AKAP6: variants seen among roughly 807,000 people sequenced by gnomAD.
The protein encoded by AKAP6 is A-kinase anchoring protein 6.
AKAP6 carries 58 observed loss-of-function variants against 188.5 expected under a neutral mutation model. The observed-to-expected ratio is 0.31, with a 90% CI of 0.25 to 0.38. The LOEUF (loss-of-function observed/expected upper bound fraction) is 0.38, where lower values mean the gene tolerates loss of function less well. Ranked by LOEUF, AKAP6 falls within the 10% of genes least tolerant of loss-of-function variation. The pLI is 1.00. For missense variants in AKAP6, 2,710 were observed against 2,740.0 expected (o/e 0.99, Z 0.24); for synonymous variants, 989 against 998.6 (o/e 0.99, Z 0.18).
At chr14:32,681,600 C>A (rs970973022) in intron 8 of AKAP6, among the ~76,000 whole-genome samples, 5 of 152,066 alleles carry the variant, frequency 3.3e-5, no homozygotes, top group African/African-American at 1.2e-4. Context: ...TTCATTAAAA[C>A]CACACAGAAG....
intron 2 of AKAP6, among the ~76,000 whole-genome samples, chr14:32,504,315 C>G (rs1880754428): frequency 6.6e-6 from 1 of 151,986 alleles, no homozygotes; most frequent in Admixed American, 6.6e-5. Flanking sequence ...GGGTCTTGCC[C>G]TGTTGTCCAG....
At position 32,823,789 on chromosome 14, in the gene AKAP6, G is replaced by T; in HGVS notation, c.5976G>T (p.Arg1992Ser). The change falls in exon 13 of 14, where the codon AGG becomes AGT. Residue 1992 changes from arginine to serine, a missense_variant. Physicochemically the swap from Arg to Ser is moderately radical, Grantham distance 110. This residue lies in a region of AKAP6 where 2,473 missense variants were observed against 2,426.1 expected (regional missense o/e 1.02). Transcript: ENST00000280979. The part of the protein sequence containing the change: ...KSFSELALET[R>S]FNNRQDSDAL... ...TCTCAGAACTGGCTTTAGAAACCAG[G>T]TTTAACAACAGACAAGACTCTGATG... 1 of 1,613,514 alleles carries T rather than the reference G, an allele frequency of 6.2e-7. No individual in the cohort carries two copies. Among genetic ancestry groups the T allele is most frequent in the African/African-American group, 1.3e-5 (1 of 74,992 alleles).
intron 4 of AKAP6, among the ~76,000 whole-genome samples, chr14:32,573,061 A>G (rs1594753541): frequency 1.3e-5 from 2 of 152,130 alleles, no homozygotes; most frequent in Non-Finnish European, 2.9e-5. Context: ...GATCTTGTGG[A>G]CTAGGTCACT....
chr14:32,829,706 A>G (rs1344852812), intron 13 of AKAP6, 142 bp from the exon 14 acceptor site: 2 of 447,536 alleles, frequency 4.5e-6, no homozygotes, highest in Non-Finnish European at 7.9e-6. Flanking sequence ...AAAATTATTT[A>G]TATTTTATGT....
intron 2 of AKAP6, among the ~76,000 whole-genome samples, chr14:32,502,483 AT>A (rs1005725008): frequency 6.6e-6 from 1 of 152,122 alleles, no homozygotes; most frequent in African/African-American, 2.4e-5. Context: ...TATGAAATAC[AT>A]TTACAGAGCC....
chr14:32,548,549 GAT>G (rs1566569750), intron 4 of AKAP6, among the ~76,000 whole-genome samples: 2 of 151,440 alleles, frequency 1.3e-5, no homozygotes, highest in East Asian at 3.9e-4. Flanking sequence ...TAGATAGATA[GAT>G]AGATAGATAG....
chr14:32,424,720 T>G (rs1356665190), intron 1 of AKAP6, among the ~76,000 whole-genome samples: 1 of 152,186 alleles, frequency 6.6e-6, no homozygotes, highest in Non-Finnish European at 1.5e-5. Flanking sequence ...GTCCTCATCA[T>G]TTAGCTCCCA....
At chr14:32,756,025 G>T (rs577371871) in intron 11 of AKAP6, among the ~76,000 whole-genome samples, 1 of 152,332 alleles carries the variant, frequency 6.6e-6, no homozygotes, top group African/African-American at 2.4e-5. Flanking sequence ...TAGAGATTCT[G>T]AGTGTGACAT....
intron 2 of AKAP6, among the ~76,000 whole-genome samples, chr14:32,512,645 A>G (rs1049861968): frequency 6.6e-6 from 1 of 152,194 alleles, no homozygotes; most frequent in African/African-American, 2.4e-5. Context: ...GAAAAGGGCA[A>G]TGAGGGTGGA....
intron 7 of AKAP6, among the ~76,000 whole-genome samples, chr14:32,618,237 GT>G (rs960770972): frequency 1.3e-5 from 2 of 151,734 alleles, no homozygotes; most frequent in Non-Finnish European, 2.9e-5. Flanking sequence ...AGCGGTTTTT[GT>G]TTACACGGAT....
At chr14:32,570,224 G>A (rs748496090) in intron 4 of AKAP6, among the ~76,000 whole-genome samples, 14 of 143,548 alleles carry the variant, frequency 9.8e-5, no homozygotes, top group Non-Finnish European at 1.5e-4. Flanking sequence ...TCTGCCTCCT[G>A]GGTTCAAGTG....
chr14:32,463,164 A>G (rs188729791), intron 2 of AKAP6, among the ~76,000 whole-genome samples: 1 of 152,182 alleles, frequency 6.6e-6, no homozygotes, highest in East Asian at 1.9e-4. Context: ...AGAGTTTAAC[A>G]CCTCACTGTC....
At chr14:32,561,961 A>C (rs895730370) in intron 4 of AKAP6, among the ~76,000 whole-genome samples, 1 of 152,202 alleles carries the variant, frequency 6.6e-6, no homozygotes, top group Admixed American at 6.5e-5. Context: ...TTCTGTTTCA[A>C]GGTCACTCAT....
Position 32,823,041 on chromosome 14 carries a change from C to T in AKAP6, c.5228C>T (p.Thr1743Ile). ...AGCATGATTGTTAATGTCTCTTGCA[C>T]CTCTGCTTGCACTGATGATGAAGAT... ...NVSMIVNVSC[T>I]SACTDDEDDS... Residue 1743 changes from threonine (T) to isoleucine (I), a missense_variant, in exon 13 of 14, where the codon ACC becomes ATC. This residue lies in a region of AKAP6 where 2,473 missense variants were observed against 2,426.1 expected (regional missense o/e 1.02). Transcript: ENST00000280979. 1 of 1,613,834 alleles carries T rather than the reference C, an allele frequency of 6.2e-7. No homozygotes were observed. The highest frequency in any genetic ancestry group is 8.5e-7 in the Non-Finnish European group (1 of 1,179,896).
rs138495771 is a variant in AKAP6 at position 32,822,773 on chromosome 14, G to A, written c.4960G>A (p.Val1654Ile). The A allele has an allele frequency of 7.4e-6, 12 of 1,613,916 alleles. No individual in the cohort carries two copies. In the African/African-American group the frequency reaches 1.5e-4, roughly 20 times the overall value. ...SPSEQKIKRS[V>I]SDITLQSSSQ... is the part of the protein sequence containing the mutation. Reference sequence around the variant, plus strand: ...CTCAGAGCAAAAGATAAAACGAAGTGTTTCTGATATCACTCTTCAAAGCAG... The same window carrying A: ...CTCAGAGCAAAAGATAAAACGAAGTATTTCTGATATCACTCTTCAAAGCAG... Residue 1654 changes from valine (V) to isoleucine (I), a missense_variant, in exon 13 of 14, where the codon GTT (valine) becomes ATT (isoleucine). By Grantham distance (29) the Val-to-Ile change is conservative (BLOSUM62 3). Transcript: ENST00000280979.
At chr14:32,416,113 A>G (rs942328946) in intron 1 of AKAP6, among the ~76,000 whole-genome samples, 1 of 152,184 alleles carries the variant, frequency 6.6e-6, no homozygotes, top group African/African-American at 2.4e-5. Flanking sequence ...TGTTTGAGGA[A>G]CTGCCATACT....
chr14:32,518,530 G>A (rs1350997489), intron 2 of AKAP6, among the ~76,000 whole-genome samples: 6 of 152,140 alleles, frequency 3.9e-5, no homozygotes, highest in South Asian at 2.1e-4. Flanking sequence ...ACCATGGCAC[G>A]AGAACTACGT....
chr14:32,735,564 A>G, intron 10 of AKAP6, 94 bp from the exon 11 acceptor site: 1 of 935,992 alleles, frequency 1.1e-6, no homozygotes, highest in South Asian at 1.8e-5. Context: ...TGTTTTTGGT[A>G]CCTAAGTTAA....
intron 7 of AKAP6, among the ~76,000 whole-genome samples, chr14:32,615,037 T>C (rs189294106): frequency 1.3e-5 from 2 of 151,100 alleles, no homozygotes; most frequent in East Asian, 2.0e-4. Context: ...GGCGTGGTGG[T>C]GCACACCTGT....
Sources: gnomAD v4.1 joint callset for allele counts (sites outside exome capture counted in the v4.1 genomes callset) on GRCh38, gnomAD v4.1.1 for gene constraint, gnomAD v4.1.1 regional missense constraint, MANE v1.5 for transcripts, NCBI Gene and HGNC (gene_info 2026-07-23, HGNC 2026-07-21) for gene names.